ABLIM1: variants seen among roughly 807,000 people sequenced by gnomAD.
ABLIM1 encodes actin binding LIM protein 1.
Under a neutral mutation model 107.0 loss-of-function variants are expected in ABLIM1, and 40 were observed. The observed-to-expected ratio is 0.37, with a 90% CI of 0.29 to 0.49. The LOEUF (loss-of-function observed/expected upper bound fraction) is 0.49, where lower values mean the gene tolerates loss of function less well. Ranked by LOEUF, ABLIM1 falls within the 20% of genes least tolerant of loss-of-function variation. The pLI is 0.97. For synonymous variants in ABLIM1, 357 were observed against 357.3 expected, an observed-to-expected ratio of 1.00 and a Z score of 0.01; for missense variants, 857 against 1,008.5, an observed-to-expected ratio of 0.85 and a Z score of 2.04.
chr10:114,645,464 T>TC (rs1343457967), intron 1 of ABLIM1, among the ~76,000 whole-genome samples: 1 of 151,758 alleles, frequency 6.6e-6, no homozygotes, highest in African/African-American at 2.4e-5. Flanking sequence ...TCGCAGAGTC[T>TC]CTTTTTTTTT....
chr10:114,507,191 C>CTTCA (rs150321004), intron 6 of ABLIM1, among the ~76,000 whole-genome samples: 5,898 of 152,122 alleles, frequency 0.039, 164 homozygotes, highest in Non-Finnish European at 0.056. Context: ...TGTGGCTGGA[C>CTTCA]TTCATCTCCT....
chr10:114,718,511 C>G (rs566737684), intron 1 of ABLIM1, among the ~76,000 whole-genome samples: 1 of 152,340 alleles, frequency 6.6e-6, no homozygotes, highest in South Asian at 2.1e-4. Flanking sequence ...AGAGCATTCT[C>G]TCCTGATTCA....
At chr10:114,535,317 T>C (rs1590993053) in intron 6 of ABLIM1, among the ~76,000 whole-genome samples, 5 of 152,160 alleles carry the variant, frequency 3.3e-5, no homozygotes, top group Admixed American at 2.6e-4. Flanking sequence ...AGAATCTTTT[T>C]TTTTTCTCCC....
chr10:114,670,808 T>A (rs920803233), intron 1 of ABLIM1, among the ~76,000 whole-genome samples: 1 of 152,256 alleles, frequency 6.6e-6, no homozygotes, highest in Non-Finnish European at 1.5e-5. Flanking sequence ...CCACAGATTT[T>A]TTTCCATGAA....
At chr10:114,709,211 T>C (rs76880362) in intron 1 of ABLIM1, among the ~76,000 whole-genome samples, 10,377 of 152,248 alleles carry the variant, frequency 0.068, 610 homozygotes, top group African/African-American at 0.15. Context: ...CATGCCGTGA[T>C]AGGAATGTGT....
chr10:114,630,481 T>G (rs148636118), intron 1 of ABLIM1, among the ~76,000 whole-genome samples: 63 of 152,344 alleles, frequency 4.1e-4, no homozygotes, highest in African/African-American at 1.3e-3. Context: ...AAACCAAAGC[T>G]ACAGCATGTG....
At chr10:114,460,531 G>A (rs539026850) in intron 12 of ABLIM1, among the ~76,000 whole-genome samples, 2 of 152,316 alleles carry the variant, frequency 1.3e-5, no homozygotes, top group South Asian at 4.1e-4. Context: ...AAGCTGGGAG[G>A]CGGAGGCTGC....
At chr10:114,500,462 T>C (rs2060239157) in intron 6 of ABLIM1, among the ~76,000 whole-genome samples, 1 of 151,992 alleles carries the variant, frequency 6.6e-6, no homozygotes, top group Non-Finnish European at 1.5e-5. Flanking sequence ...AGCAGATCAC[T>C]TGAGCCCAGG....
chr10:114,528,082 C>T (rs538288915), intron 6 of ABLIM1, among the ~76,000 whole-genome samples: 22 of 152,194 alleles, frequency 1.4e-4, no homozygotes, highest in African/African-American at 3.9e-4. Flanking sequence ...GTGATCCGCC[C>T]GCCTCAGCCT....
At chr10:114,521,825 C>A (rs1159317931) in intron 6 of ABLIM1, among the ~76,000 whole-genome samples, 1 of 152,098 alleles carries the variant, frequency 6.6e-6, no homozygotes, top group Non-Finnish European at 1.5e-5. Flanking sequence ...CAATGAGTGA[C>A]AGATACTAGA....
At chr10:114,766,004 C>T (rs1404525675) in intron 1 of ABLIM1, among the ~76,000 whole-genome samples, 1 of 152,060 alleles carries the variant, frequency 6.6e-6, no homozygotes, top group African/African-American at 2.4e-5. Context: ...ATGTCTATTA[C>T]AATATTTGAA....
intron 4 of ABLIM1, among the ~76,000 whole-genome samples, chr10:114,561,381 G>A (rs745935628): frequency 8.5e-5 from 13 of 152,176 alleles, no homozygotes; most frequent in East Asian, 5.8e-4. Flanking sequence ...AAGGGCAGGC[G>A]TCAGCAAGAC....
intron 8 of ABLIM1, among the ~76,000 whole-genome samples, chr10:114,474,947 A>T (rs561844413): frequency 6.6e-6 from 1 of 152,178 alleles, no homozygotes; most frequent in Non-Finnish European, 1.5e-5. Context: ...CACGTAAGAC[A>T]TGACTTTGTT....
rs189437098 is a variant in ABLIM1, at chr10:114,550,576, C to T, written c.674-2800G>A. Among the ~76,000 whole-genome samples the T allele has an allele frequency of 1.6e-4, 24 of 152,210 alleles. No individual in the cohort carries two copies. In the East Asian group the frequency reaches 3.5e-3, roughly 22 times the overall value. On this transcript the variant is annotated intron_variant, in intron 4 of 22. Coordinates refer to ENST00000533213, the MANE Select transcript of ABLIM1 (RefSeq NM_002313.7). ...ACACATCATGATAGCCCAGAGTCCA[C>T]AGCTTACATTAGGGTTCAGTCTTGA...
chr10:114,552,015 C>A (rs1243859288), intron 4 of ABLIM1, among the ~76,000 whole-genome samples: 2 of 152,138 alleles, frequency 1.3e-5, no homozygotes, highest in African/African-American at 4.8e-5. Context: ...GGCCTCCTTC[C>A]TGCCAATCCC....
At chr10:114,465,887 A>G (rs995107513) in intron 11 of ABLIM1, 60 bp from the exon 12 acceptor site, 2 of 1,565,372 alleles carry the variant, frequency 1.3e-6, no homozygotes, top group Non-Finnish European at 1.8e-6. Context: ...ACCACGCTTC[A>G]CAAACACTGC....
At chr10:114,773,765 A>G in the ABLIM1 span, among the ~76,000 whole-genome samples, 1 of 152,042 alleles carries the variant, frequency 6.6e-6, no homozygotes, top group African/African-American at 2.4e-5. Context: ...AACAGCAAAA[A>G]TATCTTTCAA....
chr10:114,643,672 G>A (rs1246098111), intron 1 of ABLIM1, among the ~76,000 whole-genome samples: 1 of 151,440 alleles, frequency 6.6e-6, no homozygotes, highest in Non-Finnish European at 1.5e-5. Context: ...CAAATCCTGG[G>A]CTCAAGTGAT....
the ABLIM1 span, among the ~76,000 whole-genome samples, chr10:114,780,184 C>G: frequency 6.6e-6 from 1 of 152,116 alleles, no homozygotes; most frequent in African/African-American, 2.4e-5. Flanking sequence ...GAATTTTGGC[C>G]TGAGTTGCAG....
Sources: allele counts gnomAD v4.1 joint callset (sites outside exome capture counted in the v4.1 genomes callset), GRCh38; gene constraint gnomAD v4.1.1; transcripts MANE v1.5; gene names NCBI Gene and HGNC (gene_info 2026-07-23, HGNC 2026-07-21).